Variants in CCDC102B observed in about 807,000 individuals in gnomAD.
The protein encoded by CCDC102B is coiled-coil domain containing 102B.
CCDC102B carries 75 observed loss-of-function variants against 57.4 expected under a neutral mutation model. That is an observed-to-expected ratio of 1.31 (90% CI 1.08 to 1.58). CCDC102B has a LOEUF of 1.58. Ranked by LOEUF, CCDC102B falls within the 40% of genes most tolerant of loss-of-function variation. The probability of loss-of-function intolerance (pLI) is 0.00; values close to 1 mark genes in which losing one functional copy is unlikely to be tolerated. For missense variants in CCDC102B, 636 were observed against 582.6 expected, an observed-to-expected ratio of 1.09 and a Z score of -0.94; for synonymous variants, 206 against 201.9, an observed-to-expected ratio of 1.02 and a Z score of -0.17.
intron 2 of CCDC102B, among the ~76,000 whole-genome samples, chr18:68,718,638 A>C (rs1038733476): frequency 6.0e-5 from 9 of 149,720 alleles, no homozygotes; most frequent in African/African-American, 2.3e-4. Flanking sequence ...ATAAAGCTAC[A>C]TACATTTATG....
At position 68,772,521 on chromosome 18, in the gene CCDC102B, GCTTT is replaced by G. The variant is rs374123271; in HGVS notation, c.-66-50844_-66-50841del. On this transcript the variant is annotated intron_variant, in intron 2 of 3. Transcript: ENST00000578970. The stretch of plus-strand genomic sequence containing the variant: ...AGATCTATGGCCAACTTTCTGTTTT[GCTTT>G]GAACTTTACAGGTTTGGGCAAAATC... Among the ~76,000 whole-genome samples the G allele has an allele frequency of 2.4e-3, 367 of 152,184 alleles. 2 individuals carry two copies. Among genetic ancestry groups the G allele is most frequent in the African/African-American group, 8.4e-3 (347 of 41,546 alleles).
intron 6 of CCDC102B, among the ~76,000 whole-genome samples, chr18:69,008,846 A>G (rs1206406746): frequency 6.6e-6 from 1 of 152,136 alleles, no homozygotes; most frequent in Admixed American, 6.5e-5. Flanking sequence ...ACAGTTTTGC[A>G]TTTTGCTTTA....
chr18:68,989,269 C>CA (rs958148645), intron 6 of CCDC102B, among the ~76,000 whole-genome samples: 6 of 151,908 alleles, frequency 3.9e-5, no homozygotes, highest in African/African-American at 1.2e-4. Context: ...CACCTTTGGA[C>CA]AAAAAATATA....
intron 2 of CCDC102B, among the ~76,000 whole-genome samples, chr18:68,722,428 A>G (rs2032383678): frequency 6.6e-6 from 1 of 152,198 alleles, no homozygotes; most frequent in South Asian, 2.1e-4. Flanking sequence ...TGCTGCTGTT[A>G]TAAAAGACAC....
chr18:69,008,626 C>T (rs924116693), intron 6 of CCDC102B, among the ~76,000 whole-genome samples: 2 of 152,018 alleles, frequency 1.3e-5, no homozygotes, highest in African/African-American at 2.4e-5. Context: ...GCATGGGGGG[C>T]GTTCTCTTCC....
At chr18:68,953,640 A>G (rs1050743091) in intron 6 of CCDC102B, among the ~76,000 whole-genome samples, 7 of 152,054 alleles carry the variant, frequency 4.6e-5, no homozygotes, top group African/African-American at 1.7e-4. Context: ...CAAGATAAAT[A>G]ATTTCTAGAT....
intron 6 of CCDC102B, among the ~76,000 whole-genome samples, chr18:68,953,879 G>T (rs565273313): frequency 2.6e-5 from 4 of 151,676 alleles, no homozygotes; most frequent in African/African-American, 9.7e-5. Context: ...TTTATCATGC[G>T]CTTTATATCT....
intron 7 of CCDC102B, among the ~76,000 whole-genome samples, chr18:69,013,312 A>G (rs1355990071): frequency 2.6e-5 from 4 of 152,120 alleles, no homozygotes; most frequent in African/African-American, 9.7e-5. Flanking sequence ...CTCACTTACA[A>G]GATGGAGATA....
At chr18:69,030,110 G>A (rs2052099414) in intron 7 of CCDC102B, among the ~76,000 whole-genome samples, 1 of 152,048 alleles carries the variant, frequency 6.6e-6, no homozygotes, top group Non-Finnish European at 1.5e-5. Context: ...CTTCTTTGCT[G>A]TTATTCAAAA....
chr18:68,906,954 A>G (rs904979154), intron 6 of CCDC102B, among the ~76,000 whole-genome samples: 3 of 151,170 alleles, frequency 2.0e-5, no homozygotes, highest in Non-Finnish European at 4.4e-5. Context: ...TCATATTTAC[A>G]CCATTAATCT....
At position 68,897,257 on chromosome 18, in the gene CCDC102B, C is replaced by A; in HGVS notation, c.1092C>A (p.Asp364Glu). The change falls in exon 6 of 8, where the codon GAC becomes GAA. Residue 364 changes from aspartate to glutamate, a missense_variant. Coordinates refer to ENST00000360242, the MANE Select transcript of CCDC102B (RefSeq NM_024781.3). The stretch of plus-strand genomic sequence containing the variant: ...AAGCTGAAAATACCTCGGAGTGGGA[C>A]AAGAGGGAAATACTTGAAAGAGAAA... ...RLQAENTSEW[D>E]KREILEREKQ... 1 of 1,612,482 alleles carries A rather than the reference C, an allele frequency of 6.2e-7. No homozygotes were observed. Among genetic ancestry groups the A allele is most frequent in the South Asian group, 1.1e-5 (1 of 91,022 alleles).
chr18:68,886,331 G>C (rs1380896695), intron 5 of CCDC102B, among the ~76,000 whole-genome samples: 1 of 151,586 alleles, frequency 6.6e-6, no homozygotes, highest in Non-Finnish European at 1.5e-5. Context: ...TAAAATAAGG[G>C]TGATGATTTA....
chr18:68,819,423 T>A, intron 1 of CCDC102B, among the ~76,000 whole-genome samples: 1 of 152,042 alleles, frequency 6.6e-6, no homozygotes, highest in Admixed American at 6.5e-5. Flanking sequence ...CTTAATTCTC[T>A]TTCATTTGTC....
chr18:69,025,254 T>G (rs1378766603), intron 7 of CCDC102B, among the ~76,000 whole-genome samples: 1 of 152,150 alleles, frequency 6.6e-6, no homozygotes, highest in East Asian at 1.9e-4. Flanking sequence ...CAGAATATAA[T>G]TAGACAAGAT....
intron 6 of CCDC102B, among the ~76,000 whole-genome samples, chr18:68,907,418 C>T (rs149584569): frequency 6.3e-4 from 95 of 151,388 alleles, no homozygotes; most frequent in African/African-American, 1.7e-3. Context: ...TTTAATGTTA[C>T]GTATTCTTAT....
chr18:68,729,385 C>T (rs1334536045), intron 2 of CCDC102B, among the ~76,000 whole-genome samples: 2 of 152,042 alleles, frequency 1.3e-5, no homozygotes, highest in Non-Finnish European at 2.9e-5. Context: ...CCAAGTATAT[C>T]CAAGAAACTA....
chr18:68,995,056 G>A (rs147836163), intron 6 of CCDC102B, among the ~76,000 whole-genome samples: 323 of 152,288 alleles, frequency 2.1e-3, no homozygotes, highest in African/African-American at 7.5e-3. Flanking sequence ...GGTCTCAGAC[G>A]GAGATGAGGA....
intron 6 of CCDC102B, among the ~76,000 whole-genome samples, chr18:69,006,518 G>A (rs1019280873): frequency 4.0e-5 from 6 of 151,294 alleles, no homozygotes; most frequent in Admixed American, 2.6e-4. Flanking sequence ...CGCCTCCTGG[G>A]TTCAAGTGAT....
intron 6 of CCDC102B, among the ~76,000 whole-genome samples, chr18:68,924,465 AG>A (rs2041407168): frequency 6.6e-6 from 1 of 152,048 alleles, no homozygotes; most frequent in Non-Finnish European, 1.5e-5. Context: ...AAGTTTCCTG[AG>A]GTCTCCCCAG....
Sources: gnomAD v4.1 joint callset for allele counts (sites outside exome capture counted in the v4.1 genomes callset) on GRCh38, gnomAD v4.1.1 for gene constraint, MANE v1.5 for transcripts, NCBI Gene and HGNC (gene_info 2026-07-23, HGNC 2026-07-21) for gene names.